The following ZDHHC14 variants were observed in gnomAD, a reference collection of about 807,000 sequenced individuals.
The protein encoded by ZDHHC14 is zDHHC palmitoyltransferase 14, also known as palmitoyltransferase ZDHHC14.
In ZDHHC14, 16 loss-of-function variants were observed where a neutral mutation model predicts 47.7. The observed-to-expected ratio is 0.34, with a 90% CI of 0.23 to 0.51. The LOEUF is 0.51. ZDHHC14 is among the 20% of genes least tolerant of loss of function. ZDHHC14 has a pLI of 0.97. For missense variants in ZDHHC14, 515 were observed against 662.5 expected (o/e 0.78, Z 2.44); for synonymous variants, 293 against 278.9 (o/e 1.05, Z -0.50).
At chr6:157,445,093 A>G (rs1168831155) in intron 1 of ZDHHC14, among the ~76,000 whole-genome samples, 2 of 142,462 alleles carry the variant, frequency 1.4e-5, no homozygotes, top group African/African-American at 5.4e-5. Context: ...GGGTCTTAGC[A>G]CTGCCAGATA....
chr6:157,653,732 G>A (rs2114992818), intron 8 of ZDHHC14, 105 bp downstream of exon 8: 3 of 1,099,200 alleles, frequency 2.7e-6, no homozygotes, highest in Non-Finnish European at 1.3e-6. Flanking sequence ...AGGAGCGGGG[G>A]CAGCCCACAG....
At chr6:157,629,795 T>G (rs1460910542) in intron 4 of ZDHHC14, 1 of 152,148 alleles carries the variant, frequency 6.6e-6, no homozygotes, top group Non-Finnish European at 1.5e-5. Context: ...ACCCTCTCCC[T>G]CTATTTTCAA....
chr6:157,507,464 T>C (rs1780354948), intron 1 of ZDHHC14, among the ~76,000 whole-genome samples: 1 of 152,098 alleles, frequency 6.6e-6, no homozygotes, highest in Non-Finnish European at 1.5e-5. Flanking sequence ...GTATTTTTAG[T>C]TGAGAAGGAG....
intron 1 of ZDHHC14, among the ~76,000 whole-genome samples, chr6:157,498,348 T>G (rs897592836): frequency 2.0e-5 from 3 of 150,770 alleles, no homozygotes; most frequent in East Asian, 3.9e-4. Context: ...GCCCTTACAG[T>G]GGATATAATT....
chr6:157,416,866 G>A (rs1234757543), intron 1 of ZDHHC14, among the ~76,000 whole-genome samples: 1 of 149,056 alleles, frequency 6.7e-6, no homozygotes, highest in Admixed American at 6.7e-5. Context: ...GAGTGCAATG[G>A]CGTGATCTTG....
At chr6:157,564,037 C>T (rs1782811533) in intron 2 of ZDHHC14, among the ~76,000 whole-genome samples, 2 of 152,246 alleles carry the variant, frequency 1.3e-5, no homozygotes, top group South Asian at 4.1e-4. Context: ...AGGGCCCTTG[C>T]AGAGAGGAAA....
intron 8 of ZDHHC14, among the ~76,000 whole-genome samples, chr6:157,666,579 C>A (rs893839769): frequency 3.3e-5 from 5 of 152,136 alleles, no homozygotes. Context: ...AGCTTCACAG[C>A]CAAGCAGAAA....
At chr6:157,664,608 G>T (rs1778474905) in intron 8 of ZDHHC14, among the ~76,000 whole-genome samples, 1 of 152,178 alleles carries the variant, frequency 6.6e-6, no homozygotes, top group African/African-American at 2.4e-5. Context: ...TTCAAGCTTT[G>T]TTAGGATGGG....
At chr6:157,464,121 A>G (rs1422392441) in intron 1 of ZDHHC14, among the ~76,000 whole-genome samples, 1 of 152,246 alleles carries the variant, frequency 6.6e-6, no homozygotes, top group South Asian at 2.1e-4. Context: ...ATAGAAGTTC[A>G]GTCCATGTTT....
At chr6:157,411,777 G>A (rs984834582) in intron 1 of ZDHHC14, among the ~76,000 whole-genome samples, 9 of 149,456 alleles carry the variant, frequency 6.0e-5, no homozygotes, top group Non-Finnish European at 8.9e-5. Context: ...AAAAATTAAA[G>A]CTTTCCAGGC....
chr6:157,465,105 CTTTTT>C (rs772080368), intron 1 of ZDHHC14, among the ~76,000 whole-genome samples: 4 of 101,996 alleles, frequency 3.9e-5, no homozygotes, highest in East Asian at 2.7e-4. Flanking sequence ...TCTCTTTCTC[CTTTTT>C]TTTTTTTTTT....
At chr6:157,603,475 C>T (rs1784417323) in intron 3 of ZDHHC14, among the ~76,000 whole-genome samples, 1 of 152,140 alleles carries the variant, frequency 6.6e-6, no homozygotes, top group Non-Finnish European at 1.5e-5. Flanking sequence ...GGACTTGACT[C>T]AGCTGCTGGA....
At position 157,382,020 on chromosome 6, in the gene ZDHHC14, G is replaced by A; in HGVS notation, c.-2G>A. On this transcript the variant is annotated 5_prime_UTR_variant, in exon 1 of 9. Coordinates refer to ENST00000359775, the MANE Select transcript of ZDHHC14 (RefSeq NM_024630.3). The stretch of plus-strand genomic sequence containing the variant: ...TGCGCCCCCAGCCGGCTGCCCTCGT[G>A]GATGCCTCCCGGCGGCGGCGGGCCC... 2 of 1,500,280 alleles carry A rather than the reference G, an allele frequency of 1.3e-6. No individual in the cohort carries two copies. The highest frequency in any genetic ancestry group is 1.8e-6 in the Non-Finnish European group (2 of 1,125,382). The allele number at this position is 1,500,280 out of a possible 1,614,324, so 92.9% of individuals were successfully genotyped here. A position where few individuals can be genotyped will look rare whatever the true frequency, so the allele number is the denominator to read the frequency against.
intron 1 of ZDHHC14, among the ~76,000 whole-genome samples, chr6:157,515,521 G>A (rs1377225791): frequency 6.7e-6 from 1 of 148,656 alleles, no homozygotes; most frequent in Non-Finnish European, 1.5e-5. Context: ...GAATGCAGTG[G>A]CGCGCTATCT....
In ZDHHC14 at chr6:157,452,294, C is replaced by T. The variant is rs373720187; in HGVS notation, c.245+70028C>T. On this transcript the variant is annotated intron_variant, in intron 1 of 8. Transcript: ENST00000359775. ...CTCACTTGAAAAGACTTCAGTTTGT[C>T]CATGTACCACTTAAATCACCTGCTG... 6.6e-4 allele frequency among the ~76,000 whole-genome samples: 100 copies of T among 151,300 alleles called. 1 individual carries two copies. The highest frequency in any genetic ancestry group is 2.4e-3 in the African/African-American group (98 of 41,202).
chr6:157,626,423 A>C (rs945204580), intron 3 of ZDHHC14, among the ~76,000 whole-genome samples: 1 of 152,196 alleles, frequency 6.6e-6, no homozygotes, highest in African/African-American at 2.4e-5. Flanking sequence ...GTGCACGTTG[A>C]CACATAGATA....
intron 1 of ZDHHC14, among the ~76,000 whole-genome samples, chr6:157,401,740 C>T (rs1395895864): frequency 6.6e-6 from 1 of 151,494 alleles, no homozygotes; most frequent in Non-Finnish European, 1.5e-5. Context: ...CTGCTGAGGT[C>T]ACCCTGCAGT....
intron 1 of ZDHHC14, among the ~76,000 whole-genome samples, chr6:157,387,331 T>C (rs535761694): frequency 6.6e-6 from 1 of 152,344 alleles, no homozygotes; most frequent in South Asian, 2.1e-4. Context: ...AAAGTGTCAT[T>C]TCCAAGAACG....
At chr6:157,517,801 A>G (rs1460565142) in intron 1 of ZDHHC14, among the ~76,000 whole-genome samples, 6 of 152,244 alleles carry the variant, frequency 3.9e-5, no homozygotes, top group Non-Finnish European at 7.3e-5. Flanking sequence ...TTTCAGGGAC[A>G]GTGCTGGCAT....
Sources: gnomAD v4.1 joint callset for allele counts (sites outside exome capture counted in the v4.1 genomes callset) on GRCh38, gnomAD v4.1.1 for gene constraint, MANE v1.5 for transcripts, NCBI Gene and HGNC (gene_info 2026-07-23, HGNC 2026-07-21) for gene names.